Variants in CYB5D2 observed in about 807,000 individuals in gnomAD.
CYB5D2 encodes the protein neuferricin.
Under a neutral mutation model 22.8 loss-of-function variants are expected in CYB5D2, and 23 were observed. The ratio of observed to expected loss-of-function variants is 1.01; its 90% CI spans 0.73 to 1.43. The LOEUF is 1.43. Among genes scored for constraint, CYB5D2 ranks in the 40% most tolerant of loss-of-function variants. The pLI is 0.00. For synonymous variants in CYB5D2, 170 were observed against 152.2 expected (o/e 1.12, Z -0.86); for missense variants, 373 against 357.2 (o/e 1.04, Z -0.36).
intron 1 of CYB5D2, among the ~76,000 whole-genome samples, chr17:4,149,408 G>A (rs2059028850): frequency 6.6e-6 from 1 of 152,256 alleles, no homozygotes; most frequent in Non-Finnish European, 1.5e-5. Flanking sequence ...CAATGCCAAA[G>A]AGATGTGTGT....
chr17:4,150,556 C>CA (rs745953226), intron 2 of CYB5D2, among the ~76,000 whole-genome samples: 4,529 of 152,274 alleles, frequency 0.03, 93 homozygotes, highest in Non-Finnish European at 0.046. Context: ...TCAAATGAGA[C>CA]AACACCAAAC....
chr17:4,147,958 A>G (rs893928366), intron 1 of CYB5D2, among the ~76,000 whole-genome samples: 1 of 152,244 alleles, frequency 6.6e-6, no homozygotes, highest in Non-Finnish European at 1.5e-5. Context: ...AACAGAGGGA[A>G]GCCTCTGAGG....
At chr17:4,154,963 T>G in intron 3 of CYB5D2, 103 bp downstream of exon 3, 3 of 1,265,534 alleles carry the variant, frequency 2.4e-6, no homozygotes, top group Non-Finnish European at 3.2e-6. Context: ...TTGTTAACCC[T>G]GGGGAGCTTT....
intron 1 of CYB5D2, among the ~76,000 whole-genome samples, chr17:4,149,460 C>T (rs2059029434): frequency 6.6e-6 from 1 of 152,192 alleles, no homozygotes; most frequent in African/African-American, 2.4e-5. Context: ...GTGGTGGGGA[C>T]CCCATTTCCC....
intron 1 of CYB5D2, among the ~76,000 whole-genome samples, chr17:4,144,217 C>T (rs2058948613): frequency 6.6e-6 from 1 of 152,192 alleles, no homozygotes; most frequent in Non-Finnish European, 1.5e-5. Flanking sequence ...CATCCACCAC[C>T]GCCCTGCGTG....
Position 4,144,011 on chromosome 17 carries a change from A to G in CYB5D2, c.250+6A>G. 6.3e-7 allele frequency: 1 copy of G among 1,588,472 alleles called. No homozygotes were observed. The highest frequency in any genetic ancestry group is 8.6e-7 in the Non-Finnish European group (1 of 1,166,562). ...CCACTATAGCGGCTTCGCAGGTATC[A>G]GCGAGGCTGCTCACGCCTTTCTCTC... is the stretch of plus-strand genomic sequence containing the variant. On this transcript the variant is annotated splice_donor_region_variant and intron_variant, in intron 1 of 3. Coordinates refer to ENST00000301391, the MANE Select transcript of CYB5D2 (RefSeq NM_144611.4).
rs930043760 is a variant in CYB5D2, at chr17:4,143,719, G to A, written c.-37G>A. 6 of 1,574,650 alleles carry A rather than the reference G, an allele frequency of 3.8e-6. No homozygotes were observed. Among genetic ancestry groups the A allele is most frequent in the Admixed American group, 3.6e-5 (2 of 55,714 alleles). On this transcript the variant is annotated 5_prime_UTR_variant, in exon 1 of 4. Transcript: ENST00000301391. ...GCCATCTTAGCTGTAGATAGAGGCG[G>A]CAACCTCGGAAGTGCGGAGCGGGTG...
chr17:4,149,349 A>C (rs1311872922), intron 1 of CYB5D2, among the ~76,000 whole-genome samples: 1 of 152,208 alleles, frequency 6.6e-6, no homozygotes, highest in Admixed American at 6.5e-5. Flanking sequence ...GGCCAAGGGA[A>C]GTGGTCAGCT....
At chr17:4,146,549 C>G (rs1002831603) in intron 1 of CYB5D2, among the ~76,000 whole-genome samples, 1 of 152,088 alleles carries the variant, frequency 6.6e-6, no homozygotes, top group African/African-American at 2.4e-5. Context: ...CACCACCACA[C>G]CTGGCTAAGT....
At chr17:4,145,753 A>T (rs574419875) in intron 1 of CYB5D2, among the ~76,000 whole-genome samples, 1 of 152,268 alleles carries the variant, frequency 6.6e-6, no homozygotes, top group African/African-American at 2.4e-5. Flanking sequence ...TCTCATTGAG[A>T]TGTAATTCAC....
intron 2 of CYB5D2, 62 bp downstream of exon 2, chr17:4,150,093 A>AT (rs1597977249): frequency 1.3e-6 from 2 of 1,581,808 alleles, no homozygotes; most frequent in Non-Finnish European, 1.7e-6. Context: ...GGGGGCTGAG[A>AT]TTTTTTAGGG....
Position 4,143,806 on chromosome 17 carries a change from A to T in CYB5D2, c.51A>T (p.Ala17=). ...RGLLLGLAVA[A]AAVMAARLMG... is the part of the protein sequence containing the mutation. The stretch of plus-strand genomic sequence containing the variant: ...TTTTGTTGGGCCTGGCTGTAGCCGC[A>T]GCAGCGGTAATGGCAGCACGGCTTA... The change falls in exon 1 of 4, where the codon GCA becomes GCT. Residue 17 remains alanine, a synonymous_variant. Transcript: ENST00000301391. 6.2e-7 allele frequency: 1 copy of T among 1,614,106 alleles called. No homozygotes were observed. The highest frequency in any genetic ancestry group is 8.5e-7 in the Non-Finnish European group (1 of 1,180,000).
At chr17:4,155,839 C>G (rs1004647370) in intron 3 of CYB5D2, among the ~76,000 whole-genome samples, 1 of 152,254 alleles carries the variant, frequency 6.6e-6, no homozygotes, top group African/African-American at 2.4e-5. Flanking sequence ...GCTTTCATGA[C>G]TGAGTAGTTC....
chr17:4,147,285 CTA>C (rs1378696106), intron 1 of CYB5D2, among the ~76,000 whole-genome samples: 3 of 152,082 alleles, frequency 2.0e-5, no homozygotes, highest in African/African-American at 7.2e-5. Context: ...AAGAAAAAAA[CTA>C]TGTATTTAAT....
chr17:4,156,795 T>A, intron 3 of CYB5D2, 71 bp from the exon 4 acceptor site: 1 of 1,532,482 alleles, frequency 6.5e-7, no homozygotes, highest in Non-Finnish European at 8.9e-7. Flanking sequence ...GGCTCTCTGC[T>A]TCCTGCTCTC....
intron 2 of CYB5D2, 145 bp from the exon 3 acceptor site, chr17:4,154,529 C>T: frequency 1.1e-6 from 1 of 876,152 alleles, no homozygotes; most frequent in Non-Finnish European, 1.7e-6. Context: ...GTGTGCAAGG[C>T]ACCAGGAGTG....
intron 1 of CYB5D2, 121 bp downstream of exon 1, chr17:4,144,126 A>C: frequency 1.0e-5 from 14 of 1,355,580 alleles, no homozygotes; most frequent in Admixed American, 2.5e-5. Context: ...CATCCATCAA[A>C]CCCGTGCGGT....
Position 4,156,875 on chromosome 17 carries a change from G to A in CYB5D2, c.588G>A (p.Val196=), listed in dbSNP as rs2059117096. ...RLWCSQKSGG[V]SRDWIGVPRK... is the part of the protein sequence containing the mutation. ...TTCCGTCTATCCTTAGTGGAGGTGT[G>A]AGCAGAGACTGGATTGGCGTCCCCA... Residue 196 remains valine, a synonymous_variant, in exon 4 of 4, where the codon GTG becomes GTA. Transcript: ENST00000301391. The A allele has an allele frequency of 1.2e-6, 2 of 1,612,620 alleles. No homozygotes were observed. Among genetic ancestry groups the A allele is most frequent in the South Asian group, 1.1e-5 (1 of 91,020 alleles).
At chr17:4,144,591 CAG>C (rs2142992448) in intron 1 of CYB5D2, among the ~76,000 whole-genome samples, 1 of 152,266 alleles carries the variant, frequency 6.6e-6, no homozygotes, top group East Asian at 1.9e-4. Flanking sequence ...AAGGTTAGGG[CAG>C]AGGAAAGGGG....
Sources: allele counts gnomAD v4.1 joint callset (sites outside exome capture counted in the v4.1 genomes callset), GRCh38; gene constraint gnomAD v4.1.1; transcripts MANE v1.5; gene names NCBI Gene and HGNC (gene_info 2026-07-23, HGNC 2026-07-21).